SCD5: variants seen among roughly 807,000 people sequenced by gnomAD.
SCD5 encodes the protein stearoyl-CoA desaturase 5, also known as acyl-CoA-desaturase 4.
A neutral mutation model predicts 30.4 loss-of-function variants in SCD5; 20 were observed. The observed-to-expected ratio is 0.66, with a 90% CI of 0.46 to 0.96. The LOEUF (loss-of-function observed/expected upper bound fraction) is 0.96, where lower values mean the gene tolerates loss of function less well. Ranked by LOEUF, SCD5 falls within the 40% of genes least tolerant of loss-of-function variation. The pLI is 0.00. For synonymous variants in SCD5, 173 were observed against 176.4 expected, an observed-to-expected ratio of 0.98 and a Z score of 0.16; for missense variants, 381 against 443.3, an observed-to-expected ratio of 0.86 and a Z score of 1.26.
chr4:82,686,187 G>T (rs548464308), intron 2 of SCD5, among the ~76,000 whole-genome samples: 2 of 152,088 alleles, frequency 1.3e-5, no homozygotes, highest in Admixed American at 1.3e-4. Flanking sequence ...TTTATTATTT[G>T]TAGGGATGGG....
intron 1 of SCD5, among the ~76,000 whole-genome samples, chr4:82,798,096 GC>G (rs1722268437): frequency 7.0e-6 from 1 of 142,308 alleles, no homozygotes; most frequent in Admixed American, 7.0e-5. Context: ...CGGGGGGGGG[GC>G]GGAAGTTGAA....
At chr4:82,767,803 C>T (rs950876421) in intron 1 of SCD5, among the ~76,000 whole-genome samples, 8 of 152,046 alleles carry the variant, frequency 5.3e-5, no homozygotes, top group Admixed American at 5.2e-4. Flanking sequence ...GAAAGGAATG[C>T]CACACTAAAA....
chr4:82,721,628 T>C (rs1200645093), intron 1 of SCD5, among the ~76,000 whole-genome samples: 2 of 152,074 alleles, frequency 1.3e-5, no homozygotes, highest in African/African-American at 4.8e-5. Context: ...AGGAAAACAA[T>C]GTGAAGAGAC....
At chr4:82,720,222 G>A (rs984023811) in intron 1 of SCD5, among the ~76,000 whole-genome samples, 2 of 151,868 alleles carry the variant, frequency 1.3e-5, no homozygotes, top group Non-Finnish European at 2.9e-5. Flanking sequence ...TTGTGCCCCG[G>A]TTCAAGACCA....
At chr4:82,794,149 A>G (rs1274012146) in intron 1 of SCD5, among the ~76,000 whole-genome samples, 1 of 152,174 alleles carries the variant, frequency 6.6e-6, no homozygotes, top group Non-Finnish European at 1.5e-5. Flanking sequence ...CATATGCTGA[A>G]TCCCACTCAG....
At chr4:82,779,699 C>T (rs1452701880) in intron 1 of SCD5, among the ~76,000 whole-genome samples, 2 of 152,188 alleles carry the variant, frequency 1.3e-5, no homozygotes, top group South Asian at 2.1e-4. Flanking sequence ...TTGGGCAAAT[C>T]ACTCCTCCCT....
In SCD5 at chr4:82,792,076, G is replaced by A. The variant is rs566135553; in HGVS notation, c.232+6230C>T. Among the ~76,000 whole-genome samples the A allele has an allele frequency of 2.7e-4, 41 of 151,926 alleles. 1 individual carries two copies. The highest frequency in any genetic ancestry group is 9.4e-4 in the African/African-American group (39 of 41,456). On this transcript the variant is annotated intron_variant, in intron 1 of 4. Coordinates refer to ENST00000319540, the MANE Select transcript of SCD5 (RefSeq NM_001037582.3). ...AGTTTGAGACCAGCCTGACCAACATGAAGAAACCCTGTCTCTACTAAAAAT... is the reference window on the plus strand; with the variant it reads ...AGTTTGAGACCAGCCTGACCAACATAAAGAAACCCTGTCTCTACTAAAAAT...
chr4:82,763,009 C>A (rs562661480), intron 1 of SCD5, among the ~76,000 whole-genome samples: 5 of 152,140 alleles, frequency 3.3e-5, no homozygotes, highest in Non-Finnish European at 5.9e-5. Flanking sequence ...TCACTGTCAT[C>A]CTAAGGTCAG....
intron 2 of SCD5, among the ~76,000 whole-genome samples, chr4:82,701,322 G>T (rs564987893): frequency 6.6e-6 from 1 of 152,044 alleles, no homozygotes; most frequent in South Asian, 2.1e-4. Flanking sequence ...AATAGAAAAA[G>T]AGTAGAATAC....
rs577778716 is a variant in SCD5, at chr4:82,719,572, C to T, written c.233-14159G>A. The stretch of plus-strand genomic sequence containing the variant: ...AGGCCGGAGTGCAGTGGCGCAATCT[C>T]GGCTCACTGCAAATTCCGCCTCCCA... On this transcript the variant is annotated intron_variant, in intron 1 of 4. Coordinates refer to ENST00000319540, the MANE Select transcript of SCD5 (RefSeq NM_001037582.3). 7.3e-3 allele frequency among the ~76,000 whole-genome samples: 1,099 copies of T among 149,708 alleles called. 44 individuals carry two copies. The highest frequency in any genetic ancestry group is 0.026 in the African/African-American group (1,047 of 39,918).
chr4:82,636,884 G>C, intron 3 of SCD5, 61 bp from the exon 4 acceptor site: 1 of 1,401,812 alleles, frequency 7.1e-7, no homozygotes, highest in Non-Finnish European at 9.7e-7. Context: ...GATGGGCTGA[G>C]CAAGTCACAG....
chr4:82,742,342 G>A (rs146669885), intron 1 of SCD5, among the ~76,000 whole-genome samples: 1,588 of 152,290 alleles, frequency 0.01, 25 homozygotes, highest in African/African-American at 0.034. Flanking sequence ...CCACTCAGAA[G>A]AGAGAGCTGG....
At position 82,631,191 on chromosome 4, in the gene SCD5, A is replaced by G; in HGVS notation, c.*136T>C. 1 of 625,682 alleles carries G rather than the reference A, an allele frequency of 1.6e-6. No homozygotes were observed. The allele number at this position is 625,682 out of a possible 1,614,324, so 38.8% of individuals were successfully genotyped here. ...CAACATTATTTTGAGATAAACAAAA[A>G]CATTCCCAAACCACATTGACTCGTT... On this transcript the variant is annotated 3_prime_UTR_variant, in exon 5 of 5. Coordinates refer to ENST00000319540, the MANE Select transcript of SCD5 (RefSeq NM_001037582.3).
At chr4:82,715,615 C>T (rs1046087165) in intron 1 of SCD5, among the ~76,000 whole-genome samples, 1 of 151,690 alleles carries the variant, frequency 6.6e-6, no homozygotes, top group African/African-American at 2.4e-5. Context: ...TTAAAATACA[C>T]ACATATATTC....
intron 3 of SCD5, among the ~76,000 whole-genome samples, chr4:82,647,550 T>C (rs534991491): frequency 6.6e-6 from 1 of 152,294 alleles, no homozygotes; most frequent in South Asian, 2.1e-4. Context: ...CTGTAAAAGA[T>C]ATGACCCTTG....
At chr4:82,755,681 T>C (rs981695016) in intron 1 of SCD5, among the ~76,000 whole-genome samples, 2 of 152,194 alleles carry the variant, frequency 1.3e-5, no homozygotes, top group African/African-American at 4.8e-5. Flanking sequence ...AGATAATGTT[T>C]TTCAAAATAC....
intron 1 of SCD5, among the ~76,000 whole-genome samples, chr4:82,764,569 T>C (rs930648263): frequency 6.6e-6 from 1 of 152,320 alleles, no homozygotes; most frequent in South Asian, 2.1e-4. Flanking sequence ...AGTAATATTA[T>C]AGTACTTCAT....
intron 2 of SCD5, among the ~76,000 whole-genome samples, chr4:82,686,651 T>G (rs1728713381): frequency 1.3e-5 from 2 of 152,104 alleles, no homozygotes; most frequent in African/African-American, 4.8e-5. Flanking sequence ...ACATATACAA[T>G]AAAAGCTTAT....
At position 82,733,325 on chromosome 4, in the gene SCD5, C is replaced by T. The variant is rs181485906; in HGVS notation, c.233-27912G>A. ...GCAAGCTAGCTCTGGTGCCCTGTTA[C>T]GATGCACAGAGCACAGTGGCCCACA... On this transcript the variant is annotated intron_variant, in intron 1 of 4. Transcript: ENST00000319540. Among the ~76,000 whole-genome samples the T allele has an allele frequency of 3.8e-3, 577 of 152,248 alleles. 3 individuals carry two copies. Among genetic ancestry groups the T allele is most frequent in the African/African-American group, 0.013 (537 of 41,536 alleles).
Sources: allele counts gnomAD v4.1 joint callset (sites outside exome capture counted in the v4.1 genomes callset), GRCh38; gene constraint gnomAD v4.1.1; transcripts MANE v1.5; gene names NCBI Gene and HGNC (gene_info 2026-07-23, HGNC 2026-07-21).